The following PRELID2 variants were observed in gnomAD, a reference collection of about 807,000 sequenced individuals.
The protein encoded by PRELID2 is PRELI domain containing 2.
PRELID2 carries 25 observed loss-of-function variants against 28.4 expected under a neutral mutation model. That is an observed-to-expected ratio of 0.88 (90% CI 0.64 to 1.23). The LOEUF (loss-of-function observed/expected upper bound fraction) is 1.23, where lower values mean the gene tolerates loss of function less well. PRELID2 is among the 50% of genes most tolerant of loss of function. The probability of loss-of-function intolerance (pLI) is 0.00; values close to 1 mark genes in which losing one functional copy is unlikely to be tolerated. For missense variants in PRELID2, 201 were observed against 214.4 expected (o/e 0.94, Z 0.39); for synonymous variants, 76 against 71.6 (o/e 1.06, Z -0.31).
the PRELID2 span, among the ~76,000 whole-genome samples, chr5:145,395,517 G>T: frequency 6.6e-6 from 1 of 152,152 alleles, no homozygotes; most frequent in African/African-American, 2.4e-5. Flanking sequence ...AACAAGCCGG[G>T]AGTAGTGCAA....
chr5:145,252,023 A>C, the PRELID2 span, among the ~76,000 whole-genome samples: 1 of 152,134 alleles, frequency 6.6e-6, no homozygotes, highest in African/African-American at 2.4e-5. Context: ...CTATGCAGAT[A>C]ATTTGAAATA....
the PRELID2 span, among the ~76,000 whole-genome samples, chr5:145,231,758 T>A: frequency 0.059 from 8,926 of 152,160 alleles, 482 homozygotes; most frequent in African/African-American, 0.14. Flanking sequence ...AGAGTGGAAC[T>A]AGAGTTGCTA....
At chr5:145,367,148 C>T in the PRELID2 span, among the ~76,000 whole-genome samples, 25 of 151,948 alleles carry the variant, frequency 1.6e-4, no homozygotes, top group Admixed American at 1.3e-3. Flanking sequence ...TTTCTCTCAT[C>T]TCATCTTTTA....
intron 1 of PRELID2, among the ~76,000 whole-genome samples, chr5:145,736,396 CTCTA>C (rs10560710): frequency 0.82 from 123,731 of 151,622 alleles, 50,920 homozygotes; most frequent in East Asian, 0.88. Context: ...GAACACACAG[CTCTA>C]TCTAAGACAG....
intron 1 of PRELID2, among the ~76,000 whole-genome samples, chr5:145,665,701 C>T (rs964469750): frequency 3.9e-5 from 6 of 152,062 alleles, no homozygotes; most frequent in African/African-American, 7.2e-5. Context: ...TCCTGGTCAC[C>T]CCAAATTTCT....
chr5:145,558,747 A>G (rs548064008), intron 1 of PRELID2, among the ~76,000 whole-genome samples: 28 of 152,376 alleles, frequency 1.8e-4, no homozygotes, highest in African/African-American at 6.5e-4. Context: ...CTCACCAGTG[A>G]CATTGCAGCT....
the PRELID2 span, among the ~76,000 whole-genome samples, chr5:145,245,293 G>T: frequency 1.3e-5 from 2 of 151,874 alleles, no homozygotes; most frequent in African/African-American, 4.8e-5. Flanking sequence ...AAATAAATTT[G>T]TATTTCAGAA....
At chr5:145,507,778 A>C (rs752602320) in intron 1 of PRELID2, among the ~76,000 whole-genome samples, 1 of 152,152 alleles carries the variant, frequency 6.6e-6, no homozygotes, top group Non-Finnish European at 1.5e-5. Flanking sequence ...AGACCCTAAT[A>C]AAATTCTGTT....
chr5:145,585,813 G>T (rs1441800538), intron 1 of PRELID2, among the ~76,000 whole-genome samples: 1 of 152,010 alleles, frequency 6.6e-6, no homozygotes, highest in Non-Finnish European at 1.5e-5. Flanking sequence ...GAATGGGGTG[G>T]GGTGTCAGCC....
At chr5:145,809,036 CTT>C (rs372516210) in intron 4 of PRELID2, among the ~76,000 whole-genome samples, 8 of 105,794 alleles carry the variant, frequency 7.6e-5, no homozygotes, top group Admixed American at 1.9e-4. Context: ...TTTTTTTTTG[CTT>C]TTTTTTTTTT....
downstream of PRELID2, among the ~76,000 whole-genome samples, chr5:145,468,171 G>GT (rs1176898843): frequency 1.3e-5 from 2 of 152,052 alleles, no homozygotes; most frequent in Non-Finnish European, 2.9e-5. Flanking sequence ...GTGGTGTTTG[G>GT]TTTTTTGTCC....
chr5:145,265,251 TACCTAACCA>T, the PRELID2 span, among the ~76,000 whole-genome samples: 1 of 151,992 alleles, frequency 6.6e-6, no homozygotes, highest in Non-Finnish European at 1.5e-5. Flanking sequence ...CTTAGGAACA[TACCTAACCA>T]AGGAGGTGAA....
the PRELID2 span, among the ~76,000 whole-genome samples, chr5:145,428,878 G>C: frequency 6.6e-6 from 1 of 152,296 alleles, no homozygotes; most frequent in African/African-American, 2.4e-5. Context: ...AAGCCCCCAG[G>C]CAGGTGCATG....
chr5:145,829,014 G>A (rs536440103), intron 1 of PRELID2, among the ~76,000 whole-genome samples: 1 of 150,782 alleles, frequency 6.6e-6, no homozygotes, highest in African/African-American at 2.4e-5. Context: ...AATTTTGGGG[G>A]TTTTTTGTTT....
chr5:145,380,783 G>T, the PRELID2 span, among the ~76,000 whole-genome samples: 1 of 152,084 alleles, frequency 6.6e-6, no homozygotes, highest in African/African-American at 2.4e-5. Flanking sequence ...ATCCTTGAAG[G>T]CTTTGATGAG....
At chr5:145,293,101 C>A in the PRELID2 span, among the ~76,000 whole-genome samples, 1 of 152,236 alleles carries the variant, frequency 6.6e-6, no homozygotes, top group East Asian at 1.9e-4. Context: ...TTGACTATAA[C>A]TGAGTAATTG....
chr5:145,552,111 T>G (rs113846641), intron 1 of PRELID2, among the ~76,000 whole-genome samples: 1 of 152,150 alleles, frequency 6.6e-6, no homozygotes, highest in Non-Finnish European at 1.5e-5. Context: ...CATTACATAG[T>G]GTGCCCTACT....
intron 5 of PRELID2, among the ~76,000 whole-genome samples, chr5:145,781,749 CTATATATATACACTATATA>C (rs1346146302): frequency 1.4e-5 from 2 of 141,676 alleles, no homozygotes; most frequent in African/African-American, 5.4e-5. Flanking sequence ...TATACTATAT[CTATATATATACACTATATA>C]TATATATATA....
the PRELID2 span, among the ~76,000 whole-genome samples, chr5:145,423,419 G>A: frequency 6.6e-6 from 1 of 152,092 alleles, no homozygotes; most frequent in Non-Finnish European, 1.5e-5. Flanking sequence ...ATATTTCTTG[G>A]AGGCTTTGCT....
Sources: allele counts gnomAD v4.1 joint callset (sites outside exome capture counted in the v4.1 genomes callset), GRCh38; gene constraint gnomAD v4.1.1; transcripts MANE v1.5; gene names NCBI Gene and HGNC (gene_info 2026-07-23, HGNC 2026-07-21).